RGS7: variants seen among roughly 807,000 people sequenced by gnomAD.
RGS7 encodes the protein regulator of G protein signaling 7.
Under a neutral mutation model 81.1 loss-of-function variants are expected in RGS7, and 27 were observed. The ratio of observed to expected loss-of-function variants is 0.33; its 90% CI spans 0.25 to 0.46. The LOEUF (loss-of-function observed/expected upper bound fraction) is 0.46, where lower values mean the gene tolerates loss of function less well. Ranked by LOEUF, RGS7 falls within the 20% of genes least tolerant of loss-of-function variation. The pLI is 1.00. For synonymous variants in RGS7, 208 were observed against 207.7 expected, an observed-to-expected ratio of 1.00 and a Z score of -0.01; for missense variants, 396 against 607.4, an observed-to-expected ratio of 0.65 and a Z score of 3.66.
At chr1:240,900,948 C>T (rs539434752) in intron 6 of RGS7, among the ~76,000 whole-genome samples, 6 of 151,688 alleles carry the variant, frequency 4.0e-5, no homozygotes, top group Middle Eastern at 3.4e-3. Context: ...CCACCCAGTT[C>T]GAGCTTCCTG....
At chr1:241,229,140 A>ACTT (rs2075499074) in intron 2 of RGS7, among the ~76,000 whole-genome samples, 1 of 152,048 alleles carries the variant, frequency 6.6e-6, no homozygotes. Flanking sequence ...AATGCCTGGT[A>ACTT]CTTTAAAAAG....
chr1:240,975,226 A>G (rs1168806345), intron 4 of RGS7, among the ~76,000 whole-genome samples: 11 of 151,960 alleles, frequency 7.2e-5, no homozygotes, highest in Admixed American at 7.2e-4. Context: ...ACATGGTGAA[A>G]CCCCATCTCT....
intron 3 of RGS7, among the ~76,000 whole-genome samples, chr1:240,997,793 C>T (rs1687522431): frequency 1.3e-5 from 2 of 152,182 alleles, no homozygotes; most frequent in Admixed American, 1.3e-4. Flanking sequence ...CACTGCACTC[C>T]AGCCTGGGCA....
At chr1:240,903,886 C>A (rs939945612) in intron 6 of RGS7, among the ~76,000 whole-genome samples, 8 of 152,348 alleles carry the variant, frequency 5.3e-5, no homozygotes, top group Non-Finnish European at 1.2e-4. Context: ...TCTCCTTCAC[C>A]TTCTCCCATG....
At chr1:240,923,887 T>C (rs1362925674) in intron 6 of RGS7, among the ~76,000 whole-genome samples, 1 of 152,184 alleles carries the variant, frequency 6.6e-6, no homozygotes. Context: ...GAATTATTAA[T>C]GGATTATGCA....
intron 2 of RGS7, among the ~76,000 whole-genome samples, chr1:241,277,988 T>C (rs1265328455): frequency 6.6e-6 from 1 of 152,256 alleles, no homozygotes; most frequent in Non-Finnish European, 1.5e-5. Context: ...TCACTTTGTC[T>C]TCCATATTTA....
intron 18 of RGS7, among the ~76,000 whole-genome samples, chr1:240,793,163 C>A (rs1686306958): frequency 6.6e-6 from 1 of 152,118 alleles, no homozygotes. Context: ...TCCTTAGGAA[C>A]CCCCAGGGCT....
intron 3 of RGS7, among the ~76,000 whole-genome samples, chr1:241,047,290 C>A (rs777818660): frequency 6.6e-6 from 1 of 152,104 alleles, no homozygotes; most frequent in Non-Finnish European, 1.5e-5. Flanking sequence ...CATAGTTTCC[C>A]CACAGCCTTG....
chr1:241,029,526 A>T (rs1040202315), intron 3 of RGS7, among the ~76,000 whole-genome samples: 1 of 152,210 alleles, frequency 6.6e-6, no homozygotes, highest in South Asian at 2.1e-4. Flanking sequence ...TTCTGGGTGT[A>T]GTGACATGTG....
At chr1:240,927,357 G>A (rs543766595) in intron 6 of RGS7, among the ~76,000 whole-genome samples, 177 of 152,218 alleles carry the variant, frequency 1.2e-3, no homozygotes, top group African/African-American at 4.1e-3. Flanking sequence ...GAGCCACCGC[G>A]CACAGCCAAT....
In RGS7 at chr1:241,101,227, G is replaced by A. The variant is rs921660291; in HGVS notation, c.79-2465C>T. 2.6e-5 allele frequency among the ~76,000 whole-genome samples: 4 copies of A among 152,326 alleles called. No individual in the cohort carries two copies. In the East Asian group the frequency reaches 7.7e-4, roughly 29 times the overall value. ...AAAAGAACATGATGCTGGGCACGGT[G>A]GCTCACGCCTGTAATCCCAGCACTT... On this transcript the variant is annotated intron_variant, in intron 2 of 18. Transcript: ENST00000440928.
chr1:241,304,083 C>T (rs1402475910), intron 2 of RGS7, among the ~76,000 whole-genome samples: 1 of 152,124 alleles, frequency 6.6e-6, no homozygotes, highest in African/African-American at 2.4e-5. Flanking sequence ...AATCATTTGG[C>T]TAATTTACAC....
At chr1:241,237,736 C>T (rs2076055274) in intron 2 of RGS7, among the ~76,000 whole-genome samples, 1 of 152,156 alleles carries the variant, frequency 6.6e-6, no homozygotes, top group Non-Finnish European at 1.5e-5. Context: ...CTGGTTTATG[C>T]AGTGCACTTC....
intron 2 of RGS7, among the ~76,000 whole-genome samples, chr1:241,208,588 G>C (rs140493258): frequency 5.3e-5 from 8 of 151,826 alleles, no homozygotes; most frequent in African/African-American, 1.7e-4. Context: ...AGTTACCTCC[G>C]TCATGACAAA....
intron 14 of RGS7, among the ~76,000 whole-genome samples, chr1:240,808,985 C>T (rs1689376221): frequency 6.6e-6 from 1 of 151,914 alleles, no homozygotes; most frequent in African/African-American, 2.4e-5. Flanking sequence ...ATGATAACGC[C>T]TATTTCACTG....
intron 3 of RGS7, among the ~76,000 whole-genome samples, chr1:241,016,576 A>T (rs1558601023): frequency 6.6e-6 from 1 of 151,982 alleles, no homozygotes; most frequent in Admixed American, 6.6e-5. Flanking sequence ...AACAAAAAAA[A>T]AACCCCATAA....
At chr1:240,890,010 T>C (rs1209954414) in intron 6 of RGS7, among the ~76,000 whole-genome samples, 2 of 152,190 alleles carry the variant, frequency 1.3e-5, no homozygotes, top group African/African-American at 4.8e-5. Flanking sequence ...TCACTCCTCC[T>C]ATTTGCCAAA....
chr1:240,891,774 T>C (rs1045617231), intron 6 of RGS7, among the ~76,000 whole-genome samples: 5 of 152,222 alleles, frequency 3.3e-5, no homozygotes, highest in African/African-American at 1.2e-4. Context: ...ATAACCCCCA[T>C]GACTTTGCAA....
intron 3 of RGS7, among the ~76,000 whole-genome samples, chr1:241,047,730 A>C (rs995914347): frequency 7.0e-6 from 1 of 142,192 alleles, no homozygotes; most frequent in Non-Finnish European, 1.5e-5. Context: ...ATTGTTTACA[A>C]TCCTTTTTTT....
Sources: gnomAD v4.1 joint callset for allele counts (sites outside exome capture counted in the v4.1 genomes callset) on GRCh38, gnomAD v4.1.1 for gene constraint, MANE v1.5 for transcripts, NCBI Gene and HGNC (gene_info 2026-07-23, HGNC 2026-07-21) for gene names.